SPTLC1: variants seen among roughly 807,000 people sequenced by gnomAD.
The protein encoded by SPTLC1 is serine palmitoyltransferase 1.
A neutral mutation model predicts 68.9 loss-of-function variants in SPTLC1; 55 were observed. The ratio of observed to expected loss-of-function variants is 0.80; its 90% confidence interval spans 0.64 to 1.00. The LOEUF (loss-of-function observed/expected upper bound fraction) is 1.00, where lower values mean the gene tolerates loss of function less well. SPTLC1 is among the 50% of genes least tolerant of loss of function. The pLI is 0.00. For synonymous variants in SPTLC1, 197 were observed against 201.6 expected, an observed-to-expected ratio of 0.98 and a Z score of 0.19; for missense variants, 449 against 573.1, an observed-to-expected ratio of 0.78 and a Z score of 2.21.
intron 12 of SPTLC1, among the ~76,000 whole-genome samples, 189 bp downstream of exon 12, chr9:92,045,810 C>T (rs777521855): frequency 2.0e-5 from 3 of 152,066 alleles, no homozygotes; most frequent in Admixed American, 6.5e-5. Flanking sequence ...TTCAGAAAAA[C>T]AAAGTCACGA....
chr9:92,064,212 G>A lies in SPTLC1; in HGVS notation c.560+3754C>T, dbSNP rs7859641. 6.9e-3 allele frequency among the ~76,000 whole-genome samples: 1,054 copies of A among 152,158 alleles called. 11 individuals are homozygous for A. The highest frequency in any genetic ancestry group is 0.024 in the African/African-American group (990 of 41,510). Reference sequence around the variant, plus strand: ...ATTTCTATATTTTAGCAATGAATACGTGGACATCAAAATTTGTATTTGCAA... The same window carrying A: ...ATTTCTATATTTTAGCAATGAATACATGGACATCAAAATTTGTATTTGCAA... On this transcript the variant is annotated intron_variant, in intron 6 of 14. Coordinates refer to ENST00000262554, the MANE Select transcript of SPTLC1 (RefSeq NM_006415.4).
chr9:92,049,512 C>T (rs185807066), intron 9 of SPTLC1, among the ~76,000 whole-genome samples: 13 of 152,254 alleles, frequency 8.5e-5, no homozygotes, highest in South Asian at 2.1e-4. Flanking sequence ...CACACACGCA[C>T]GCACGCGTAA....
At chr9:92,114,924 T>C (rs1344902926) in intron 1 of SPTLC1, 2 of 301,584 alleles carry the variant, frequency 6.6e-6, no homozygotes, top group Non-Finnish European at 1.3e-5. Context: ...AACTGTACCG[T>C]AGTTCCAAAG....
chr9:92,075,441 A>G (rs77502653), intron 5 of SPTLC1, among the ~76,000 whole-genome samples: 8,128 of 152,240 alleles, frequency 0.053, 279 homozygotes, highest in Middle Eastern at 0.065. Context: ...ACTCTAAAAA[A>G]GGCCCTAGAG....
chr9:92,034,968 G>T, intron 13 of SPTLC1, 85 bp from the exon 14 acceptor site: 1 of 1,092,932 alleles, frequency 9.1e-7, no homozygotes, highest in Non-Finnish European at 1.4e-6. Flanking sequence ...ATCCTGCAAC[G>T]GTAGCTTTAA....
At chr9:92,095,139 A>G (rs1383498750) in intron 3 of SPTLC1, among the ~76,000 whole-genome samples, 1 of 152,214 alleles carries the variant, frequency 6.6e-6, no homozygotes, top group Non-Finnish European at 1.5e-5. Flanking sequence ...CAGGTAAAAG[A>G]TATGAAGAGG....
rs527483886 is a variant in SPTLC1 at position 92,034,619 on chromosome 9, C to T, written c.1328+191G>A. On this transcript the variant is annotated intron_variant, in intron 14 of 14. Coordinates refer to ENST00000262554, the MANE Select transcript of SPTLC1 (RefSeq NM_006415.4). ...TAACTGAGAGGGTACTCAGTGAGTC[C>T]TTGGGAGCTTTTCAGTTAAAATTTT... 3.9e-4 allele frequency among the ~76,000 whole-genome samples: 59 copies of T among 152,296 alleles called. 1 individual carries two copies. The South Asian group carries it at 0.012, about 30-fold the overall frequency.
At chr9:92,075,850 C>T (rs1219799777) in intron 5 of SPTLC1, among the ~76,000 whole-genome samples, 1 of 152,192 alleles carries the variant, frequency 6.6e-6, no homozygotes, top group East Asian at 1.9e-4. Flanking sequence ...ACTTACTACC[C>T]ACTACAAATC....
chr9:92,031,668 AT>A lies in SPTLC1; in HGVS notation c.*796del, dbSNP rs1265115637. 2 of 152,628 alleles carry A rather than the reference AT, an allele frequency of 1.3e-5. No homozygotes were observed. Among genetic ancestry groups the A allele is most frequent in the African/African-American group, 4.8e-5 (2 of 41,450 alleles). The allele number at this position is 152,628 out of a possible 1,614,324, so 9.5% of individuals were successfully genotyped here. On this transcript the variant is annotated 3_prime_UTR_variant, in exon 15 of 15. Transcript: ENST00000262554. Reference sequence around the variant, plus strand: ...GATATTCTAAAATATAAAGGATATGATTTATATTATGGGATCAACATAATAA... The same window carrying A: ...GATATTCTAAAATATAAAGGATATGATTATATTATGGGATCAACATAATAA...
At chr9:92,089,705 A>C (rs1364620752) in intron 3 of SPTLC1, among the ~76,000 whole-genome samples, 2 of 152,256 alleles carry the variant, frequency 1.3e-5, no homozygotes, top group African/African-American at 4.8e-5. Context: ...TAAAAGCTAA[A>C]AAATTCCCAG....
intron 6 of SPTLC1, 108 bp downstream of exon 6, chr9:92,067,858 A>C (rs1473368295): frequency 2.2e-6 from 3 of 1,374,082 alleles, no homozygotes; most frequent in Non-Finnish European, 3.1e-6. Flanking sequence ...TTGAAAAACA[A>C]AAAGCAGCAT....
At chr9:92,050,122 TATG>T in intron 8 of SPTLC1, 55 bp from the exon 9 acceptor site, 1 of 1,132,214 alleles carries the variant, frequency 8.8e-7, no homozygotes, top group Non-Finnish European at 1.3e-6. Context: ...TAGAACATAT[TATG>T]GAGAAAAAAA....
rs1378828353 is a variant in SPTLC1 at position 92,089,980 on chromosome 9, C to G, written c.261-9017G>C. On this transcript the variant is annotated intron_variant, in intron 3 of 14. Coordinates refer to ENST00000262554, the MANE Select transcript of SPTLC1 (RefSeq NM_006415.4). ...CCACTTAGAACCTGTTACCCACTAA[C>G]TGTCATCCAAGGAGGTAAAATAAAA... Among the ~76,000 whole-genome samples, 3 of 152,232 alleles carry G rather than the reference C, an allele frequency of 2.0e-5. No homozygotes were observed. The East Asian group carries it at 5.8e-4, about 29-fold the overall frequency.
At chr9:92,044,671 CAGG>C (rs747621709) in intron 12 of SPTLC1, among the ~76,000 whole-genome samples, 1 of 152,110 alleles carries the variant, frequency 6.6e-6, no homozygotes, top group Non-Finnish European at 1.5e-5. Flanking sequence ...GACAAAGTAG[CAGG>C]GACAAGCAAA....
At chr9:92,107,854 C>T (rs1836063198) in intron 3 of SPTLC1, 1 of 152,130 alleles carries the variant, frequency 6.6e-6, no homozygotes, top group African/African-American at 2.4e-5. Flanking sequence ...TTGATCAGAT[C>T]AGAATCAGAA....
At chr9:92,038,470 T>G in intron 12 of SPTLC1, 105 bp from the exon 13 acceptor site, 1 of 820,504 alleles carries the variant, frequency 1.2e-6, no homozygotes, top group Non-Finnish European at 2.2e-6. Context: ...ACAGTGAACG[T>G]ACAGAAGCTT....
At chr9:92,061,603 C>T (rs1834104644) in intron 6 of SPTLC1, among the ~76,000 whole-genome samples, 1 of 152,110 alleles carries the variant, frequency 6.6e-6, no homozygotes, top group African/African-American at 2.4e-5. Flanking sequence ...ATACACTAGG[C>T]TTTTTTTCTC....
At chr9:92,082,930 T>C (rs979796499) in intron 3 of SPTLC1, among the ~76,000 whole-genome samples, 3 of 152,218 alleles carry the variant, frequency 2.0e-5, no homozygotes, top group African/African-American at 7.2e-5. Context: ...ATGACTGCCA[T>C]TCTAACTGGT....
chr9:92,097,070 G>A (rs12336291), intron 3 of SPTLC1, among the ~76,000 whole-genome samples: 16,441 of 152,196 alleles, frequency 0.11, 1,920 homozygotes, highest in African/African-American at 0.3. Flanking sequence ...CGATGAAAAG[G>A]TGCTCAACAT....
Sources: gnomAD v4.1 joint callset for allele counts (sites outside exome capture counted in the v4.1 genomes callset) on GRCh38, gnomAD v4.1.1 for gene constraint, MANE v1.5 for transcripts, NCBI Gene and HGNC (gene_info 2026-07-23, HGNC 2026-07-21) for gene names.